Variants in RBFOX1 observed in about 807,000 individuals in gnomAD.
RBFOX1 encodes RNA binding protein fox-1 homolog 1.
A neutral mutation model predicts 57.7 loss-of-function variants in RBFOX1; 8 were observed. The observed-to-expected ratio is 0.14, with a 90% CI of 0.08 to 0.25. The LOEUF is 0.25. Ranked by LOEUF, RBFOX1 falls within the 10% of genes least tolerant of loss-of-function variation. The pLI is 1.00. For synonymous variants in RBFOX1, 326 were observed against 222.4 expected (o/e 1.47, Z -4.15); for missense variants, 611 against 548.5 (o/e 1.11, Z -1.14).
intron 4 of RBFOX1, among the ~76,000 whole-genome samples, chr16:7,454,297 A>C (rs2058032464): frequency 6.6e-6 from 1 of 152,222 alleles, no homozygotes; most frequent in South Asian, 2.1e-4. Flanking sequence ...AGCAAGGAAG[A>C]TGCCCAGGAT....
intron 2 of RBFOX1, among the ~76,000 whole-genome samples, chr16:6,317,361 C>G (rs112968119): frequency 3.3e-5 from 5 of 151,670 alleles, no homozygotes; most frequent in Non-Finnish European, 5.9e-5. Flanking sequence ...TTTTTCTCCC[C>G]CTAAGGTTTT....
chr16:5,638,244 A>G lies in RBFOX1; in HGVS notation c.318+39283A>G, dbSNP rs560782474. Among the ~76,000 whole-genome samples, 2 of 152,204 alleles carry G rather than the reference A, an allele frequency of 1.3e-5. 1 individual carries two copies. The highest frequency in any genetic ancestry group is 4.1e-4 in the South Asian group (2 of 4,832). ...GTTTGGAAAGGTAGCATAACTTGCT[A>G]TCAGCCACCCAGACAGGTGGAAGAG... On this transcript the variant is annotated intron_variant, in intron 3 of 19. Coordinates refer to the RBFOX1 transcript ENST00000641259.
intron 3 of RBFOX1, among the ~76,000 whole-genome samples, chr16:6,806,550 G>A (rs2086805170): frequency 1.3e-5 from 2 of 151,840 alleles, no homozygotes; most frequent in Non-Finnish European, 2.9e-5. Flanking sequence ...GATAGTCTGT[G>A]GAGAAGAAAT....
intron 4 of RBFOX1, among the ~76,000 whole-genome samples, chr16:7,052,315 T>A (rs531184534): frequency 6.6e-6 from 1 of 152,238 alleles, no homozygotes; most frequent in East Asian, 1.9e-4. Context: ...ATGGATTTTT[T>A]GATTTAGATT....
At chr16:5,897,903 A>G (rs1179382837) in intron 4 of RBFOX1, among the ~76,000 whole-genome samples, 1 of 151,812 alleles carries the variant, frequency 6.6e-6, no homozygotes, top group South Asian at 2.1e-4. Flanking sequence ...GTAACTCCAA[A>G]TAATTTTTCA....
At chr16:5,542,363 C>G (rs1438625836) in intron 2 of RBFOX1, among the ~76,000 whole-genome samples, 1 of 151,592 alleles carries the variant, frequency 6.6e-6, no homozygotes, top group Non-Finnish European at 1.5e-5. Flanking sequence ...ATTCTCCTAC[C>G]TCAGCCTCCC....
In RBFOX1 at chr16:5,509,573, C is replaced by G. The variant is rs150161442; in HGVS notation, c.258+42319C>G. Among the ~76,000 whole-genome samples the G allele has an allele frequency of 4.9e-3, 745 of 152,290 alleles. 6 individuals are homozygous for G. Among genetic ancestry groups the G allele is most frequent in the Middle Eastern group, 0.041 (12 of 294 alleles). On this transcript the variant is annotated intron_variant, in intron 2 of 2. Coordinates refer to the RBFOX1 transcript ENST00000585867. ...CAGAGGGTGTAGGTGTTGTTAGAGTCTTTGTCTCTTATTCACAGAGCAGTG... is the reference window on the plus strand; with the variant it reads ...CAGAGGGTGTAGGTGTTGTTAGAGTGTTTGTCTCTTATTCACAGAGCAGTG...
At chr16:6,149,988 T>C (rs1223062873) in intron 1 of RBFOX1, among the ~76,000 whole-genome samples, 3 of 152,178 alleles carry the variant, frequency 2.0e-5, no homozygotes, top group African/African-American at 7.2e-5. Flanking sequence ...ATCGCAGACA[T>C]TCAAAATCAT....
chr16:5,848,564 G>T (rs2056813244), intron 3 of RBFOX1, among the ~76,000 whole-genome samples: 1 of 152,198 alleles, frequency 6.6e-6, no homozygotes, highest in Admixed American at 6.5e-5. Flanking sequence ...CATCCTAATT[G>T]TAACGGATGA....
intron 1 of RBFOX1, chr16:5,365,874 A>G: frequency 2.0e-6 from 1 of 509,356 alleles, no homozygotes; most frequent in Non-Finnish European, 3.9e-6. Context: ...CAAGGCTGAC[A>G]AAGATGATCA....
chr16:7,543,854 G>C (rs902391228), intron 5 of RBFOX1, among the ~76,000 whole-genome samples: 1 of 151,648 alleles, frequency 6.6e-6, no homozygotes, highest in Admixed American at 6.6e-5. Context: ...CCGAGTAGCT[G>C]GGATTATAGG....
intron 3 of RBFOX1, among the ~76,000 whole-genome samples, chr16:6,879,973 T>C (rs1253627268): frequency 6.6e-6 from 1 of 152,226 alleles, no homozygotes. Flanking sequence ...TTTCTACTTC[T>C]TTATTTGTTA....
intron 1 of RBFOX1, among the ~76,000 whole-genome samples, chr16:6,183,494 A>ATAAATAAAT (rs2097082328): frequency 7.0e-6 from 1 of 143,238 alleles, no homozygotes; most frequent in African/African-American, 2.7e-5. Context: ...AATTAAATAA[A>ATAAATAAAT]TAAATAAATA....
chr16:7,700,594 G>T (rs958724941), intron 14 of RBFOX1, among the ~76,000 whole-genome samples: 1 of 152,162 alleles, frequency 6.6e-6, no homozygotes, highest in Admixed American at 6.5e-5. Flanking sequence ...AGTGATTTTG[G>T]TAGAGCAGGA....
intron 3 of RBFOX1, among the ~76,000 whole-genome samples, chr16:7,015,260 A>C (rs140164924): frequency 6.6e-6 from 1 of 152,142 alleles, no homozygotes; most frequent in South Asian, 2.1e-4. Context: ...ATGGGTGAGC[A>C]TATGGCCTGG....
intron 1 of RBFOX1, among the ~76,000 whole-genome samples, chr16:6,143,981 A>ATATATATATATC (rs988042921): frequency 4.0e-5 from 6 of 149,708 alleles, no homozygotes; most frequent in African/African-American, 1.5e-4. Flanking sequence ...ATATATATAT[A>ATATATATATATC]TCTCTACCTA....
At chr16:5,961,776 C>T (rs1005053383) in intron 4 of RBFOX1, among the ~76,000 whole-genome samples, 3 of 152,174 alleles carry the variant, frequency 2.0e-5, no homozygotes, top group Admixed American at 2.0e-4. Flanking sequence ...AGTCCTCCTG[C>T]CTCAGCCTTC....
intron 1 of RBFOX1, among the ~76,000 whole-genome samples, chr16:5,286,515 T>G (rs2063399098): frequency 6.6e-6 from 1 of 152,184 alleles, no homozygotes; most frequent in Admixed American, 6.5e-5. Flanking sequence ...TAGATAAAAG[T>G]ATTTTTCAGA....
intron 3 of RBFOX1, among the ~76,000 whole-genome samples, chr16:7,034,035 A>C (rs1248088155): frequency 6.6e-6 from 1 of 152,176 alleles, no homozygotes; most frequent in African/African-American, 2.4e-5. Context: ...ATTTCTCTCC[A>C]TTGCGGAGAT....
Sources: gnomAD v4.1 joint callset for allele counts (sites outside exome capture counted in the v4.1 genomes callset) on GRCh38, gnomAD v4.1.1 for gene constraint, MANE v1.5 for transcripts, NCBI Gene and HGNC (gene_info 2026-07-23, HGNC 2026-07-21) for gene names.